The following SCFD1 variants were observed in gnomAD, a reference collection of about 807,000 sequenced individuals.
The protein encoded by SCFD1 is sec1 family domain-containing protein 1.
A neutral mutation model predicts 103.2 loss-of-function variants in SCFD1; 37 were observed. The observed-to-expected ratio is 0.36, with a 90% CI of 0.28 to 0.47. The LOEUF (loss-of-function observed/expected upper bound fraction) is 0.47. SCFD1 is among the 20% of genes least tolerant of loss of function. The pLI is 1.00. For missense variants in SCFD1, 639 were observed against 761.2 expected (o/e 0.84, Z 1.89); for synonymous variants, 264 against 245.0 (o/e 1.08, Z -0.73).
rs190258561 is a variant in SCFD1, at chr14:30,684,586, T to C, written c.1242+9521T>C. 1.0e-3 allele frequency among the ~76,000 whole-genome samples: 152 copies of C among 152,198 alleles called. 1 individual carries two copies. Among genetic ancestry groups the C allele is most frequent in the African/African-American group, 3.6e-3 (150 of 41,546 alleles). On this transcript the variant is annotated intron_variant, in intron 14 of 24. Transcript: ENST00000458591. ...GAAAAGCACTAGAATTTTTTTTTAATGAGATTCCTCCCATAGAATGTCCTT... is the reference window on the plus strand; with the variant it reads ...GAAAAGCACTAGAATTTTTTTTTAACGAGATTCCTCCCATAGAATGTCCTT...
intron 3 of SCFD1, among the ~76,000 whole-genome samples, chr14:30,632,046 GAAAAAA>G (rs61645782): frequency 1.0e-4 from 7 of 70,268 alleles, no homozygotes; most frequent in Admixed American, 1.9e-4. Flanking sequence ...AGATTCTGTT[GAAAAAA>G]AAAAAAAAAA....
At chr14:30,693,125 A>G (rs1161943271) in intron 14 of SCFD1, among the ~76,000 whole-genome samples, 1 of 152,190 alleles carries the variant, frequency 6.6e-6, no homozygotes, top group Non-Finnish European at 1.5e-5. Flanking sequence ...GGGCTGGAGA[A>G]TTCATAGATA....
rs116928035 is a variant in SCFD1 at position 30,657,532 on chromosome 14, T to C, written c.855+3944T>C. On this transcript the variant is annotated intron_variant, in intron 10 of 24. Coordinates refer to ENST00000458591, the MANE Select transcript of SCFD1 (RefSeq NM_016106.4). ...GTGAAAGTAGATGGTAGAGTTTTTTTGTTTAATCTTCACATAAAAAGTTGG... is the reference window on the plus strand; with the variant it reads ...GTGAAAGTAGATGGTAGAGTTTTTTCGTTTAATCTTCACATAAAAAGTTGG... 1.7e-3 allele frequency among the ~76,000 whole-genome samples: 257 copies of C among 152,364 alleles called. 3 individuals are homozygous for C. In the East Asian group the frequency reaches 0.042, roughly 25 times the overall value.
At chr14:30,630,831 A>G (rs1401553632) in intron 3 of SCFD1, 25 of 338,096 alleles carry the variant, frequency 7.4e-5, no homozygotes, top group Non-Finnish European at 1.6e-5. Context: ...GGTCTCTTCC[A>G]GCTCTAAAAG....
At chr14:30,628,885 A>G (rs1883804745) in intron 2 of SCFD1, among the ~76,000 whole-genome samples, 2 of 152,308 alleles carry the variant, frequency 1.3e-5, no homozygotes, top group African/African-American at 4.8e-5. Context: ...CTCTCTTGCT[A>G]AAAATTAAGA....
intron 1 of SCFD1, among the ~76,000 whole-genome samples, chr14:30,625,703 G>A (rs1883353642): frequency 9.4e-6 from 1 of 106,006 alleles, no homozygotes; most frequent in African/African-American, 6.2e-5. Context: ...ATAGGTATAG[G>A]TATATAGGTA....
In SCFD1 at chr14:30,649,533, G is replaced by C; in HGVS notation, c.619G>C (p.Val207Leu). The C allele has an allele frequency of 6.3e-7, 1 of 1,579,120 alleles. No individual in the cohort carries two copies. The highest frequency in any genetic ancestry group is 8.6e-7 in the Non-Finnish European group (1 of 1,167,366). Reference protein sequence around the residue: ...LFCFFVTLGAVPIIRCSRGTA... With the variant: ...LFCFFVTLGALPIIRCSRGTA... ...AACATTTATTGTTAAAATAGGTGCTGTTCCTATAATCAGATGTTCAAGAGG... is the reference window on the plus strand; with the variant it reads ...AACATTTATTGTTAAAATAGGTGCTCTTCCTATAATCAGATGTTCAAGAGG... Residue 207 changes from valine (V) to leucine (L), a missense_variant, in exon 8 of 25, where the codon GTT becomes CTT. By Grantham distance (32) the Val-to-Leu change is conservative. Transcript: ENST00000458591.
chr14:30,684,453 G>A (rs1360483911), intron 14 of SCFD1, among the ~76,000 whole-genome samples: 1 of 152,196 alleles, frequency 6.6e-6, no homozygotes, highest in Non-Finnish European at 1.5e-5. Flanking sequence ...ATGTATGTAT[G>A]TGCGCACAGC....
chr14:30,638,049 G>T, intron 4 of SCFD1, 76 bp from the exon 5 acceptor site: 1 of 1,399,288 alleles, frequency 7.1e-7, no homozygotes, highest in East Asian at 2.7e-5. Flanking sequence ...ATATAACTTT[G>T]CCTTATAGTA....
chr14:30,695,153 C>T (rs1890604454), intron 15 of SCFD1, among the ~76,000 whole-genome samples: 1 of 152,034 alleles, frequency 6.6e-6, no homozygotes, highest in Non-Finnish European at 1.5e-5. Context: ...CTGCTGGTTC[C>T]AGGAAGATTT....
intron 11 of SCFD1, among the ~76,000 whole-genome samples, chr14:30,671,275 G>C (rs1298908077): frequency 6.6e-6 from 1 of 151,948 alleles, no homozygotes; most frequent in African/African-American, 2.4e-5. Context: ...TCTCTGCAGA[G>C]AAAAGTCACT....
intron 10 of SCFD1, 78 bp from the exon 11 acceptor site, chr14:30,670,178 A>G (rs1349267198): frequency 2.6e-6 from 3 of 1,163,914 alleles, no homozygotes; most frequent in South Asian, 1.5e-5. Context: ...GTCCTTGGAA[A>G]CATTAGAAAG....
intron 23 of SCFD1, among the ~76,000 whole-genome samples, chr14:30,729,936 G>A (rs1254215052): frequency 6.6e-6 from 1 of 151,922 alleles, no homozygotes. Flanking sequence ...GTATAAATGT[G>A]CCATGTTGGT....
At chr14:30,723,728 T>G (rs1357201016) in intron 23 of SCFD1, among the ~76,000 whole-genome samples, 2 of 152,262 alleles carry the variant, frequency 1.3e-5, no homozygotes, top group Admixed American at 1.3e-4. Context: ...GAACATGATC[T>G]TATTCTTTTT....
At chr14:30,654,547 G>A (rs747504315) in intron 10 of SCFD1, among the ~76,000 whole-genome samples, 7 of 152,134 alleles carry the variant, frequency 4.6e-5, no homozygotes, top group Admixed American at 6.6e-5. Flanking sequence ...GGTGGCACAC[G>A]CCTGTAATCC....
intron 1 of SCFD1, among the ~76,000 whole-genome samples, chr14:30,627,639 G>C (rs962353271): frequency 6.6e-6 from 1 of 151,314 alleles, no homozygotes; most frequent in Non-Finnish European, 1.5e-5. Context: ...CCAGCTACTC[G>C]GGAGGCTGAA....
intron 21 of SCFD1, chr14:30,721,589 T>G (rs1892653404): frequency 3.0e-6 from 1 of 334,536 alleles, no homozygotes; most frequent in African/African-American, 2.2e-5. Flanking sequence ...AACCCAGACT[T>G]ACGCTCCTCC....
intron 14 of SCFD1, among the ~76,000 whole-genome samples, chr14:30,675,572 CT>C (rs34394965): frequency 6.6e-6 from 1 of 152,046 alleles, no homozygotes; most frequent in Non-Finnish European, 1.5e-5. Context: ...TGTTATAGTT[CT>C]TTTTCTCATT....
intron 14 of SCFD1, 164 bp downstream of exon 14, chr14:30,675,229 AC>A: frequency 2.4e-6 from 1 of 423,556 alleles, no homozygotes; most frequent in East Asian, 3.7e-5. Flanking sequence ...AAATAAAGTA[AC>A]CTAGGAATCC....
Sources: gnomAD v4.1 joint callset for allele counts (sites outside exome capture counted in the v4.1 genomes callset) on GRCh38, gnomAD v4.1.1 for gene constraint, MANE v1.5 for transcripts, NCBI Gene and HGNC (gene_info 2026-07-23, HGNC 2026-07-21) for gene names.